The following AGBL1 variants were observed in gnomAD, a reference collection of about 807,000 sequenced individuals.
The protein encoded by AGBL1 is AGBL carboxypeptidase 1, also known as cytosolic carboxypeptidase 4.
In AGBL1, 130 loss-of-function variants were observed where a neutral mutation model predicts 118.9. The observed-to-expected ratio is 1.09, with a 90% CI of 0.95 to 1.26. The LOEUF is 1.26. AGBL1 is among the 50% of genes most tolerant of loss of function. The pLI, the probability that AGBL1 is intolerant of heterozygous loss-of-function variation, is 0.00. For synonymous variants in AGBL1, 555 were observed against 478.9 expected, an observed-to-expected ratio of 1.16 and a Z score of -2.08; for missense variants, 1,584 against 1,298.1, an observed-to-expected ratio of 1.22 and a Z score of -3.38.
At chr15:86,692,090 A>G (rs1383729183) in intron 22 of AGBL1, among the ~76,000 whole-genome samples, 2 of 152,014 alleles carry the variant, frequency 1.3e-5, no homozygotes, top group Non-Finnish European at 2.9e-5. Flanking sequence ...CTCCTTTGGA[A>G]TGGTGTGAAC....
rs188255670 is a variant in AGBL1 at position 86,154,266 on chromosome 15, T to C, written c.263-164T>C. 1.6e-3 allele frequency among the ~76,000 whole-genome samples: 246 copies of C among 152,280 alleles called. 2 individuals carry two copies. The highest frequency in any genetic ancestry group is 0.014 in the Middle Eastern group (4 of 294). The stretch of plus-strand genomic sequence containing the variant: ...GAATTAGCTCTTTTGATTCATTTGG[T>C]TCTAGTGGGGACATATTTAGCAGCA... On this transcript the variant is annotated intron_variant, in intron 3 of 22. Transcript: ENST00000614907.
rs543792490 is a variant in AGBL1, at chr15:86,355,528, A to T, written c.2375-41838A>T. ...CTGCTGGCTCCTATATTTTGTCAGA[A>T]ATTCAAACCCATCTTCAGCCTTCAC... is the stretch of plus-strand genomic sequence containing the variant. On this transcript the variant is annotated intron_variant, in intron 17 of 22. Transcript: ENST00000614907. 2.0e-4 allele frequency among the ~76,000 whole-genome samples: 31 copies of T among 152,312 alleles called. No individual in the cohort carries two copies. The South Asian group carries it at 6.2e-3, about 31-fold the overall frequency.
intron 1 of AGBL1, among the ~76,000 whole-genome samples, chr15:86,085,120 G>A (rs1459655126): frequency 6.6e-6 from 1 of 152,192 alleles, no homozygotes; most frequent in African/African-American, 2.4e-5. Flanking sequence ...CATAAAGCAA[G>A]TTTGCATGTG....
chr15:86,490,653 C>T (rs1178897618), intron 18 of AGBL1, among the ~76,000 whole-genome samples: 1 of 152,190 alleles, frequency 6.6e-6, no homozygotes. Context: ...TGCCATTTAG[C>T]CTTGCTGTTT....
rs145763029 is a variant in AGBL1, at chr15:86,896,315, C to A, written c.3159-10772C>A. On this transcript the variant is annotated intron_variant, in intron 22 of 22. Coordinates refer to ENST00000614907, the MANE Select transcript of AGBL1 (RefSeq NM_001386094.1). Reference sequence around the variant, plus strand: ...CAAGGTGGATTATTTCCTCATTTGACTTATGATTTGTTATTTTGAGTGTAT... The same window carrying A: ...CAAGGTGGATTATTTCCTCATTTGAATTATGATTTGTTATTTTGAGTGTAT... 2.9e-3 allele frequency among the ~76,000 whole-genome samples: 440 copies of A among 151,684 alleles called. 1 individual carries two copies. The highest frequency in any genetic ancestry group is 1.0e-2 in the African/African-American group (413 of 41,360).
intron 21 of AGBL1, among the ~76,000 whole-genome samples, chr15:86,592,554 G>A (rs2084352289): frequency 6.6e-6 from 1 of 152,216 alleles, no homozygotes; most frequent in Middle Eastern, 3.2e-3. Context: ...TGGCCTGCCA[G>A]CACTTGGGAG....
At chr15:86,285,349 G>T (rs1424885186) in intron 16 of AGBL1, among the ~76,000 whole-genome samples, 1 of 152,026 alleles carries the variant, frequency 6.6e-6, no homozygotes, top group Admixed American at 6.6e-5. Flanking sequence ...AATATGGTTT[G>T]GCTGTGTCCC....
intron 22 of AGBL1, among the ~76,000 whole-genome samples, chr15:86,794,638 C>G (rs1429470695): frequency 6.8e-6 from 1 of 146,298 alleles, no homozygotes; most frequent in East Asian, 2.0e-4. Flanking sequence ...TTTGATGAAA[C>G]AAAAAAAAAA....
chr15:86,098,945 A>G (rs566181531), intron 1 of AGBL1, among the ~76,000 whole-genome samples: 1 of 152,298 alleles, frequency 6.6e-6, no homozygotes, highest in East Asian at 1.9e-4. Flanking sequence ...ATCCATGAGC[A>G]TTGGATGTCT....
chr15:86,333,361 A>G (rs73453430), intron 17 of AGBL1, among the ~76,000 whole-genome samples: 9,775 of 152,200 alleles, frequency 0.064, 1,002 homozygotes, highest in African/African-American at 0.22. Flanking sequence ...CATCACAAGT[A>G]ATCCCTCAGA....
At chr15:86,108,831 C>T (rs183699172) in intron 1 of AGBL1, among the ~76,000 whole-genome samples, 36 of 152,266 alleles carry the variant, frequency 2.4e-4, no homozygotes, top group Non-Finnish European at 3.5e-4. Context: ...GTGGCATGCA[C>T]CTGTAGTCCC....
chr15:86,377,422 C>A (rs1483937548), intron 17 of AGBL1, among the ~76,000 whole-genome samples: 1 of 152,106 alleles, frequency 6.6e-6, no homozygotes, highest in African/African-American at 2.4e-5. Context: ...TGGTAGTTCT[C>A]ACGGCCTGAA....
At position 86,534,320 on chromosome 15, in the gene AGBL1, G is replaced by A. The variant is rs1034166282; in HGVS notation, c.2685+11381G>A. On this transcript the variant is annotated intron_variant, in intron 19 of 22. Transcript: ENST00000614907. ...GTTATGGAAAAGCCAGAGATTAGAAGTACCATTTGAGCTGGACTTGCATGA... is the reference window on the plus strand; with the variant it reads ...GTTATGGAAAAGCCAGAGATTAGAAATACCATTTGAGCTGGACTTGCATGA... 7.5e-4 allele frequency among the ~76,000 whole-genome samples: 114 copies of A among 152,132 alleles called. 1 individual carries two copies. Among genetic ancestry groups the A allele is most frequent in the Admixed American group, 3.3e-4 (5 of 15,276 alleles).
chr15:86,407,020 C>A (rs969796272), intron 18 of AGBL1, among the ~76,000 whole-genome samples: 1 of 152,100 alleles, frequency 6.6e-6, no homozygotes, highest in Non-Finnish European at 1.5e-5. Context: ...TGCCAGATTA[C>A]CCTCCTTAGA....
intron 22 of AGBL1, among the ~76,000 whole-genome samples, chr15:86,844,761 T>C (rs948105944): frequency 6.6e-6 from 1 of 152,150 alleles, no homozygotes; most frequent in East Asian, 1.9e-4. Context: ...CTTTTGGTAT[T>C]GTAGTTAAGA....
At chr15:86,571,913 C>A (rs1434991600) in intron 21 of AGBL1, among the ~76,000 whole-genome samples, 2 of 152,178 alleles carry the variant, frequency 1.3e-5, no homozygotes, top group Non-Finnish European at 2.9e-5. Flanking sequence ...GTTCTCCACA[C>A]CCAGGCTGTT....
At chr15:86,163,491 G>A (rs2141721615) in intron 5 of AGBL1, among the ~76,000 whole-genome samples, 1 of 152,314 alleles carries the variant, frequency 6.6e-6, no homozygotes, top group Non-Finnish European at 1.5e-5. Flanking sequence ...ACTTTGGGAG[G>A]CTGAGGTGGG....
At chr15:86,763,615 G>A (rs1318510676) in intron 22 of AGBL1, among the ~76,000 whole-genome samples, 3 of 151,892 alleles carry the variant, frequency 2.0e-5, no homozygotes, top group African/African-American at 7.2e-5. Flanking sequence ...TGAAGGAGTT[G>A]AATGCCTAAC....
chr15:86,234,972 A>G (rs2078516400), intron 6 of AGBL1, among the ~76,000 whole-genome samples: 1 of 152,164 alleles, frequency 6.6e-6, no homozygotes, highest in African/African-American at 2.4e-5. Context: ...TCTTTTTTTC[A>G]AGAAGCTTTT....
Sources: allele counts gnomAD v4.1 joint callset (sites outside exome capture counted in the v4.1 genomes callset), GRCh38; gene constraint gnomAD v4.1.1; transcripts MANE v1.5; gene names NCBI Gene and HGNC (gene_info 2026-07-23, HGNC 2026-07-21).